NSMCE2: variants seen among roughly 807,000 people sequenced by gnomAD.
The protein encoded by NSMCE2 is E3 SUMO-protein ligase NSE2.
A neutral mutation model predicts 23.8 loss-of-function variants in NSMCE2; 24 were observed. The ratio of observed to expected loss-of-function variants is 1.01; its 90% CI spans 0.73 to 1.42. The LOEUF (loss-of-function observed/expected upper bound fraction) is 1.42. NSMCE2 is among the 40% of genes most tolerant of loss of function. The pLI, the probability that NSMCE2 is intolerant of heterozygous loss-of-function variation, is 0.00. For synonymous variants in NSMCE2, 92 were observed against 94.1 expected (o/e 0.98, Z 0.13); for missense variants, 284 against 296.5 (o/e 0.96, Z 0.31).
chr8:125,316,714 CCTTCTTT>C lies in NSMCE2; in HGVS notation c.419-40501_419-40495del, dbSNP rs1563780165. On this transcript the variant is annotated intron_variant, in intron 5 of 7. Coordinates refer to ENST00000287437, the MANE Select transcript of NSMCE2 (RefSeq NM_173685.4). ...TCCTTCTTTCCTTCCTTCCTTCTTT[CCTTCTTT>C]CTTTCCTTCTTTTCCTTCCTTCCTT... Among the ~76,000 whole-genome samples the C allele has an allele frequency of 9.9e-5, 11 of 111,544 alleles. No individual in the cohort carries two copies. The East Asian group carries it at 2.4e-3, about 24-fold the overall frequency. 73.2% of individuals were successfully genotyped at this position (111,544 alleles called of 152,430 possible). A position where few individuals can be genotyped will look rare whatever the true frequency, so the allele number is the denominator to read the frequency against.
chr8:125,275,125 T>G (rs542995402), intron 5 of NSMCE2, among the ~76,000 whole-genome samples: 19 of 151,910 alleles, frequency 1.3e-4, no homozygotes, highest in South Asian at 1.0e-3. Context: ...GATAGTCATG[T>G]GTCAGCTGAT....
intron 4 of NSMCE2, among the ~76,000 whole-genome samples, chr8:125,181,236 G>T (rs1276346558): frequency 6.6e-6 from 1 of 152,100 alleles, no homozygotes; most frequent in Non-Finnish European, 1.5e-5. Flanking sequence ...AAAATAACTG[G>T]GGGCAGGGAG....
chr8:125,347,527 G>A (rs1196596552), intron 5 of NSMCE2, among the ~76,000 whole-genome samples: 2 of 152,156 alleles, frequency 1.3e-5, no homozygotes, highest in South Asian at 2.1e-4. Context: ...TCTATACCTG[G>A]AATTTGGTGT....
intron 5 of NSMCE2, among the ~76,000 whole-genome samples, chr8:125,191,717 T>C (rs1823351067): frequency 6.6e-6 from 1 of 152,204 alleles, no homozygotes; most frequent in South Asian, 2.1e-4. Context: ...AGGATATTTA[T>C]GGCATCCCAA....
At chr8:125,158,640 C>T (rs1182363580) in intron 4 of NSMCE2, among the ~76,000 whole-genome samples, 2 of 152,160 alleles carry the variant, frequency 1.3e-5, no homozygotes, top group Non-Finnish European at 2.9e-5. Context: ...ACAGCAAACT[C>T]CTGATTATTT....
At chr8:125,172,859 TTGTAGATTTTTATC>T (rs1400130652) in intron 4 of NSMCE2, among the ~76,000 whole-genome samples, 7 of 152,378 alleles carry the variant, frequency 4.6e-5, no homozygotes, top group South Asian at 2.1e-4. Flanking sequence ...TCTCAGCTAA[TTGTAGATTTTTATC>T]TGTAGATTTT....
chr8:125,254,342 G>A (rs1352298218), intron 5 of NSMCE2, among the ~76,000 whole-genome samples: 5 of 152,118 alleles, frequency 3.3e-5, no homozygotes, highest in African/African-American at 9.7e-5. Flanking sequence ...GAAATGGTGC[G>A]TCATCAAATA....
chr8:125,272,883 G>C (rs868565613), intron 5 of NSMCE2, among the ~76,000 whole-genome samples: 3 of 128,566 alleles, frequency 2.3e-5, no homozygotes, highest in South Asian at 2.2e-4. Flanking sequence ...ATACGTGTGT[G>C]TATATATATA....
chr8:125,107,697 AAAAG>A (rs1818532809), intron 3 of NSMCE2, among the ~76,000 whole-genome samples: 1 of 152,198 alleles, frequency 6.6e-6, no homozygotes, highest in South Asian at 2.1e-4. Context: ...TTAAAAAAGA[AAAAG>A]AAAAACAAAC....
intron 4 of NSMCE2, among the ~76,000 whole-genome samples, chr8:125,159,841 T>A (rs1436517092): frequency 2.0e-5 from 3 of 151,914 alleles, no homozygotes; most frequent in Non-Finnish European, 2.9e-5. Flanking sequence ...ATGCCCGTAG[T>A]CCCAGATACT....
At chr8:125,283,875 C>G (rs928771982) in intron 5 of NSMCE2, among the ~76,000 whole-genome samples, 2 of 152,044 alleles carry the variant, frequency 1.3e-5, no homozygotes, top group African/African-American at 4.8e-5. Context: ...TCAAGTAGGC[C>G]GGGCGCAGTG....
chr8:125,270,265 G>A (rs1275139783), intron 5 of NSMCE2, among the ~76,000 whole-genome samples: 2 of 152,118 alleles, frequency 1.3e-5, no homozygotes, highest in African/African-American at 2.4e-5. Flanking sequence ...TCAGGAGTTC[G>A]AGACCACCCT....
intron 7 of NSMCE2, chr8:125,363,129 C>T (rs892098792): frequency 6.6e-6 from 1 of 152,156 alleles, no homozygotes; most frequent in Non-Finnish European, 1.5e-5. Context: ...TCATGGAAGC[C>T]AAAGTTATGA....
At chr8:125,133,195 C>T (rs1475876784) in intron 3 of NSMCE2, among the ~76,000 whole-genome samples, 2 of 152,000 alleles carry the variant, frequency 1.3e-5, no homozygotes, top group Non-Finnish European at 2.9e-5. Context: ...AAATTAGAAG[C>T]AAATCTAGTA....
chr8:125,102,348 T>A lies in NSMCE2; in HGVS notation c.18T>A (p.Ser6Arg). MPGRS[S>R]SNSGSTGFIS... is the part of the protein sequence containing the mutation. Reference sequence around the variant, plus strand: ...ATTTCAAGATGCCAGGACGTTCCAGTTCAAATTCAGGTTCAACTGGTTTCA... The same window carrying A: ...ATTTCAAGATGCCAGGACGTTCCAGATCAAATTCAGGTTCAACTGGTTTCA... The change falls in exon 3 of 8, where the codon AGT becomes AGA. Residue 6 changes from serine to arginine, a missense_variant. Coordinates refer to ENST00000287437, the MANE Select transcript of NSMCE2 (RefSeq NM_173685.4). 6.2e-7 allele frequency: 1 copy of A among 1,613,904 alleles called. No homozygotes were observed. Among genetic ancestry groups the A allele is most frequent in the Non-Finnish European group, 8.5e-7 (1 of 1,179,814 alleles).
chr8:125,197,148 G>A (rs1823661165), intron 5 of NSMCE2, among the ~76,000 whole-genome samples: 1 of 152,152 alleles, frequency 6.6e-6, no homozygotes, highest in South Asian at 2.1e-4. Context: ...TCTGTAGGTT[G>A]CCTGTTCACT....
chr8:125,247,568 T>C (rs775813962), intron 5 of NSMCE2, among the ~76,000 whole-genome samples: 2 of 151,524 alleles, frequency 1.3e-5, no homozygotes, highest in Non-Finnish European at 2.9e-5. Context: ...CCACTGAAAA[T>C]ATAAAAATTA....
chr8:125,152,025 C>G (rs1290332753), intron 4 of NSMCE2, among the ~76,000 whole-genome samples: 1 of 152,118 alleles, frequency 6.6e-6, no homozygotes, highest in Non-Finnish European at 1.5e-5. Flanking sequence ...TTCCAAAAAT[C>G]AAATATTTTA....
At chr8:125,269,557 A>G (rs1283381617) in intron 5 of NSMCE2, among the ~76,000 whole-genome samples, 1 of 152,146 alleles carries the variant, frequency 6.6e-6, no homozygotes, top group African/African-American at 2.4e-5. Context: ...GGCTTGGATG[A>G]AGAGAAGTTT....
Sources: allele counts gnomAD v4.1 joint callset (sites outside exome capture counted in the v4.1 genomes callset), GRCh38; gene constraint gnomAD v4.1.1; transcripts MANE v1.5; gene names NCBI Gene and HGNC (gene_info 2026-07-23, HGNC 2026-07-21).